Variants in PLEKHH1 observed in about 807,000 individuals in gnomAD.
PLEKHH1 encodes the protein pleckstrin homology domain-containing family H member 1.
PLEKHH1 carries 104 observed loss-of-function variants against 160.0 expected under a neutral mutation model. The ratio of observed to expected loss-of-function variants is 0.65; its 90% CI spans 0.55 to 0.76. PLEKHH1 has a LOEUF of 0.76. Among genes scored for constraint, PLEKHH1 ranks in the 30% least tolerant of loss-of-function variants. The pLI is 0.00. For missense variants in PLEKHH1, 1,427 were observed against 1,724.1 expected (o/e 0.83, Z 3.05); for synonymous variants, 619 against 678.4 (o/e 0.91, Z 1.36).
Position 67,582,249 on chromosome 14 carries a change from A to C in PLEKHH1, c.3426+39A>C. 6.2e-7 allele frequency: 1 copy of C among 1,612,878 alleles called. No individual in the cohort carries two copies. Among genetic ancestry groups the C allele is most frequent in the Non-Finnish European group, 8.5e-7 (1 of 1,179,774 alleles). On this transcript the variant is annotated intron_variant, in intron 24 of 28. Transcript: ENST00000329153. This position sits in a 1 kb window ranked among gnomAD's most constrained non-coding sequence, Gnocchi z 5.0. ...CAGGAAGCAGGAGGGTCGGGTTGCC[A>C]GCTTAGAATGAATGCACCATGCAGC...
At position 67,572,268 on chromosome 14, in the gene PLEKHH1, C is replaced by G. The variant is rs767572513; in HGVS notation, c.1719C>G (p.Gly573=). Reference sequence around the variant, plus strand: ...CATCCTACTCCACCGACGGGCTGGGCCTGGGCGGGGTGAGCCGGGAAACGG... The same window carrying G: ...CATCCTACTCCACCGACGGGCTGGGGCTGGGCGGGGTGAGCCGGGAAACGG... ...RTSSYSTDGL[G]LGGESLEKSG... The change falls in exon 11 of 29, where the codon GGC becomes GGG. Residue 573 remains glycine (G), a synonymous_variant. Coordinates refer to ENST00000329153, the MANE Select transcript of PLEKHH1 (RefSeq NM_020715.3). 1 of 1,599,762 alleles carries G rather than the reference C, an allele frequency of 6.3e-7. No homozygotes were observed. Among genetic ancestry groups the G allele is most frequent in the Non-Finnish European group, 8.5e-7 (1 of 1,175,212 alleles).
chr14:67,575,557 T>C, intron 15 of PLEKHH1, 85 bp downstream of exon 15: 1 of 864,696 alleles, frequency 1.2e-6, no homozygotes, highest in Non-Finnish European at 1.9e-6. Flanking sequence ...TGAAAGTCCC[T>C]ACCCCACGTA....
At chr14:67,581,919 T>C (rs1566763434) in intron 23 of PLEKHH1, 150 bp from the exon 24 acceptor site, 4 of 706,666 alleles carry the variant, frequency 5.7e-6, no homozygotes, top group South Asian at 1.9e-5. Flanking sequence ...TACTCGGTTA[T>C]ATGTTTCTGG....
chr14:67,586,787 G>C lies in PLEKHH1; in HGVS notation c.3934-287G>C, dbSNP rs1594800504. The stretch of plus-strand genomic sequence containing the variant: ...GAGGATCTCCAGATCCCTTTCTTAA[G>C]AAGGCCCCTTCCCTGGTTGTAGAGC... On this transcript the variant is annotated intron_variant, in intron 28 of 28. Coordinates refer to ENST00000329153, the MANE Select transcript of PLEKHH1 (RefSeq NM_020715.3). The C allele has an allele frequency of 5.1e-6, 7 of 1,375,274 alleles. No individual in the cohort carries two copies. In the East Asian group the frequency reaches 2.1e-4, roughly 42 times the overall value. 85.2% of individuals were successfully genotyped at this position (1,375,274 alleles called of 1,614,324 possible). A position where few individuals can be genotyped will look rare whatever the true frequency, so the allele number is the denominator to read the frequency against.
intron 1 of PLEKHH1, chr14:67,533,643 T>G: frequency 6.6e-6 from 1 of 151,994 alleles, no homozygotes; most frequent in East Asian, 1.9e-4. Context: ...TACCTGGACT[T>G]GGGGATCGGT....
Position 67,541,862 on chromosome 14 carries a change from TC to T in PLEKHH1, c.-4del. ...TCCCCAGAATAATCCAGAAGTCGAT[TC>T]CATCATGGCAGAACTCAAGGTGGAG... On this transcript the variant is annotated 5_prime_UTR_variant, in exon 2 of 29. Transcript: ENST00000329153. 6.3e-7 allele frequency: 1 copy of T among 1,590,444 alleles called. No homozygotes were observed. The highest frequency in any genetic ancestry group is 8.6e-7 in the Non-Finnish European group (1 of 1,169,176).
At position 67,541,955 on chromosome 14, in the gene PLEKHH1, C is replaced by T. The variant is rs779708283; in HGVS notation, c.88C>T (p.Leu30=). 6.2e-6 allele frequency: 10 copies of T among 1,607,892 alleles called. No individual in the cohort carries two copies. The highest frequency in any genetic ancestry group is 8.5e-6 in the Non-Finnish European group (10 of 1,177,500). The change falls in exon 2 of 29, where the codon CTA becomes TTA. Residue 30 remains leucine, a synonymous_variant. Transcript: ENST00000329153. ...TLETQLFRFR[L]QASKIRELLA... ...GGAAACTCAGCTTTTCCGGTTCCGCCTACAGGCCAGCAAGATAAGGGAGCT... is the reference window on the plus strand; with the variant it reads ...GGAAACTCAGCTTTTCCGGTTCCGCTTACAGGCCAGCAAGATAAGGGAGCT...
intron 1 of PLEKHH1, among the ~76,000 whole-genome samples, chr14:67,534,490 T>C (rs1046684960): frequency 2.6e-5 from 4 of 152,050 alleles, no homozygotes; most frequent in African/African-American, 7.2e-5. Context: ...GGGAGGCTGA[T>C]GATCCTGTCT....
At chr14:67,585,352 A>G (rs982355387) in intron 26 of PLEKHH1, 3 of 540,296 alleles carry the variant, frequency 5.6e-6, no homozygotes, top group Non-Finnish European at 3.3e-6. Flanking sequence ...GATGGTTAGT[A>G]GGTGGCCAGA....
At chr14:67,561,188 T>G (rs928314023) in intron 5 of PLEKHH1, among the ~76,000 whole-genome samples, 4 of 152,204 alleles carry the variant, frequency 2.6e-5, no homozygotes, top group African/African-American at 9.7e-5. Context: ...CTGGCTTACC[T>G]GCGTATTCTC....
At chr14:67,575,307 C>A in intron 14 of PLEKHH1, 85 bp from the exon 15 acceptor site, 1 of 765,500 alleles carries the variant, frequency 1.3e-6, no homozygotes, top group Non-Finnish European at 2.2e-6. Context: ...TCAAATCTGT[C>A]TCCCTGTGGC....
chr14:67,546,794 A>G (rs908717731), intron 2 of PLEKHH1, among the ~76,000 whole-genome samples: 2 of 152,142 alleles, frequency 1.3e-5, no homozygotes, highest in African/African-American at 4.8e-5. Flanking sequence ...TGAGCCAAGG[A>G]CTTTGAGGCT....
At chr14:67,538,983 A>G (rs1019974026) in intron 1 of PLEKHH1, among the ~76,000 whole-genome samples, 3 of 152,174 alleles carry the variant, frequency 2.0e-5, no homozygotes, top group African/African-American at 4.8e-5. Context: ...AGCTTTGACA[A>G]TCAGTAAGAG....
chr14:67,576,001 A>G lies in PLEKHH1; in HGVS notation c.2348A>G (p.Glu783Gly). Residue 783 changes from glutamate (E) to glycine (G), a missense_variant, in exon 16 of 29, where the codon GAA becomes GGA. Transcript: ENST00000329153. The surrounding 1 kb of genome is among the most constrained non-coding windows in gnomAD (Gnocchi z 4.0). ...PTYLLIGTKH[E>G]KDTWLYHLTV... ...TACCTCCTCATTGGCACCAAGCATG[A>G]AAAGGTAAGGAAGAGGGCTGGGCCT... 6.2e-7 allele frequency: 1 copy of G among 1,610,604 alleles called. No individual in the cohort carries two copies. Among genetic ancestry groups the G allele is most frequent in the Non-Finnish European group, 8.5e-7 (1 of 1,177,374 alleles).
chr14:67,539,824 A>G (rs187659383), intron 1 of PLEKHH1, among the ~76,000 whole-genome samples: 1 of 152,322 alleles, frequency 6.6e-6, no homozygotes, highest in East Asian at 1.9e-4. Flanking sequence ...GTGTGTGGAC[A>G]ACAGTGCTTA....
chr14:67,576,853 T>C lies in PLEKHH1; in HGVS notation c.2461+350T>C, dbSNP rs965710169. 2.6e-5 allele frequency among the ~76,000 whole-genome samples: 4 copies of C among 152,178 alleles called. No homozygotes were observed. The highest frequency in any genetic ancestry group is 2.1e-4 in the South Asian group (1 of 4,828). On this transcript the variant is annotated intron_variant, in intron 17 of 28. Transcript: ENST00000329153. The surrounding 1 kb of genome is among the most constrained non-coding windows in gnomAD (Gnocchi z 4.0). ...TGTAAATCAACAAGTGAAGCCTAAA[T>C]TGGGATCGGACTAACCTGTTTGGAG...
intron 4 of PLEKHH1, among the ~76,000 whole-genome samples, chr14:67,559,264 G>T (rs2034722864): frequency 6.6e-6 from 1 of 152,170 alleles, no homozygotes; most frequent in Non-Finnish European, 1.5e-5. Context: ...GGCCAGAGGA[G>T]TATAAAATGA....
intron 26 of PLEKHH1, 110 bp downstream of exon 26, chr14:67,584,234 G>T (rs1361587022): frequency 4.7e-6 from 5 of 1,072,790 alleles, no homozygotes; most frequent in Non-Finnish European, 6.8e-6. Flanking sequence ...ACCACCAGAG[G>T]TCACTATCCC....
intron 7 of PLEKHH1, among the ~76,000 whole-genome samples, chr14:67,566,158 C>T (rs189148072): frequency 6.6e-6 from 1 of 152,214 alleles, no homozygotes; most frequent in East Asian, 1.9e-4. Context: ...GCACACAGCC[C>T]TAGACTTTTG....
Sources: gnomAD v4.1 joint callset for allele counts (sites outside exome capture counted in the v4.1 genomes callset) on GRCh38, gnomAD v4.1.1 for gene constraint, Gnocchi (gnomAD v3.1) non-coding constraint, MANE v1.5 for transcripts, NCBI Gene and HGNC (gene_info 2026-07-23, HGNC 2026-07-21) for gene names.